Variants in CSMD1 observed in about 807,000 individuals in gnomAD.
The protein encoded by CSMD1 is CUB and sushi domain-containing protein 1.
Under a neutral mutation model 417.5 loss-of-function variants are expected in CSMD1, and 213 were observed. The observed-to-expected ratio is 0.51, with a 90% CI of 0.46 to 0.57. The LOEUF is 0.57. CSMD1 is among the 20% of genes least tolerant of loss of function. The probability of loss-of-function intolerance (pLI) is 0.00; values close to 1 mark genes in which losing one functional copy is unlikely to be tolerated. For missense variants in CSMD1, 6,923 were observed against 4,529.7 expected (o/e 1.53, Z -15.17); for synonymous variants, 2,862 against 1,736.8 (o/e 1.65, Z -16.11).
At chr8:3,875,198 A>C (rs1805735557) in intron 5 of CSMD1, among the ~76,000 whole-genome samples, 3 of 152,282 alleles carry the variant, frequency 2.0e-5, no homozygotes, top group South Asian at 4.2e-4. Flanking sequence ...GGAGTGGAAC[A>C]GTGAGGCCAT....
intron 10 of CSMD1, among the ~76,000 whole-genome samples, chr8:3,545,589 C>CT (rs1283328759): frequency 2.0e-5 from 3 of 152,138 alleles, no homozygotes; most frequent in African/African-American, 7.2e-5. Flanking sequence ...ATGAAGGCTA[C>CT]TTATCATGGG....
chr8:4,652,795 G>A, intron 1 of CSMD1, among the ~76,000 whole-genome samples: 1 of 152,204 alleles, frequency 6.6e-6, no homozygotes, highest in South Asian at 2.1e-4. Context: ...GAAGGGTGTG[G>A]GGATGGTTTT....
rs137889417 is a variant in CSMD1, at chr8:4,817,404, G to C, written c.85+176928C>G. On this transcript the variant is annotated intron_variant, in intron 1 of 69. Transcript: ENST00000635120. ...AGGCCTGCTTGGCAACCTACGTCAA[G>C]TCTCTGGCACAGCACAGCAAGTGTT... is the stretch of plus-strand genomic sequence containing the variant. Among the ~76,000 whole-genome samples the C allele has an allele frequency of 7.2e-5, 11 of 152,300 alleles. No individual in the cohort carries two copies. In the East Asian group the frequency reaches 1.7e-3, roughly 24 times the overall value.
intron 4 of CSMD1, among the ~76,000 whole-genome samples, chr8:4,006,776 C>T (rs1360773034): frequency 2.6e-5 from 4 of 151,292 alleles, no homozygotes; most frequent in African/African-American, 7.3e-5. Flanking sequence ...CGGCTTATAT[C>T]ACCATTCATA....
At chr8:3,763,809 T>C (rs1376831816) in intron 5 of CSMD1, among the ~76,000 whole-genome samples, 5 of 152,190 alleles carry the variant, frequency 3.3e-5, no homozygotes, top group Non-Finnish European at 7.3e-5. Flanking sequence ...CCCAGGTCCC[T>C]GCATGCACAC....
intron 1 of CSMD1, among the ~76,000 whole-genome samples, chr8:4,824,559 G>A (rs751657067): frequency 6.6e-5 from 10 of 152,028 alleles, no homozygotes; most frequent in South Asian, 2.1e-4. Flanking sequence ...ATTACACCAC[G>A]GAAACAGTCT....
intron 1 of CSMD1, among the ~76,000 whole-genome samples, chr8:4,856,604 G>T (rs1178422302): frequency 1.4e-5 from 2 of 144,328 alleles, no homozygotes; most frequent in African/African-American, 2.7e-5. Flanking sequence ...AAAAAAGGCA[G>T]GGGTTGCAAT....
At chr8:4,923,760 CTATTATA>C (rs1322874403) in intron 1 of CSMD1, among the ~76,000 whole-genome samples, 1 of 152,088 alleles carries the variant, frequency 6.6e-6, no homozygotes, top group Non-Finnish European at 1.5e-5. Flanking sequence ...AAAGGTCATT[CTATTATA>C]TATCTCCAAG....
intron 3 of CSMD1, among the ~76,000 whole-genome samples, chr8:4,399,522 A>G (rs753898387): frequency 6.6e-6 from 1 of 152,002 alleles, no homozygotes; most frequent in Non-Finnish European, 1.5e-5. Flanking sequence ...CATTCAAGAA[A>G]CTTTCCTCTC....
intron 3 of CSMD1, among the ~76,000 whole-genome samples, chr8:4,351,432 G>C (rs922151094): frequency 6.6e-6 from 1 of 152,204 alleles, no homozygotes; most frequent in Non-Finnish European, 1.5e-5. Flanking sequence ...GGTAAGAAGA[G>C]TTACTTAAAA....
intron 3 of CSMD1, among the ~76,000 whole-genome samples, chr8:4,085,392 C>G (rs1800365844): frequency 6.6e-6 from 1 of 152,012 alleles, no homozygotes; most frequent in Non-Finnish European, 1.5e-5. Context: ...GGAGAAGCTC[C>G]AAAAAACTGA....
chr8:4,243,400 C>G (rs1353744964), intron 3 of CSMD1, among the ~76,000 whole-genome samples: 1 of 152,162 alleles, frequency 6.6e-6, no homozygotes, highest in Non-Finnish European at 1.5e-5. Flanking sequence ...GAGAATGACT[C>G]ATCCTCTACT....
intron 2 of CSMD1, among the ~76,000 whole-genome samples, chr8:4,493,629 A>G (rs966140069): frequency 3.3e-5 from 5 of 152,150 alleles, no homozygotes; most frequent in African/African-American, 1.2e-4. Flanking sequence ...CAGGAATTTG[A>G]TGCTGGAGTG....
At chr8:4,655,387 A>C (rs1389252785) in intron 1 of CSMD1, among the ~76,000 whole-genome samples, 1 of 152,076 alleles carries the variant, frequency 6.6e-6, no homozygotes, top group Admixed American at 6.5e-5. Flanking sequence ...AACAAAACTA[A>C]GTGATAGGAA....
intron 5 of CSMD1, among the ~76,000 whole-genome samples, chr8:3,755,956 T>C (rs1413148611): frequency 6.6e-6 from 1 of 152,144 alleles, no homozygotes; most frequent in Non-Finnish European, 1.5e-5. Context: ...ACAAATTCTA[T>C]AGGCCACATA....
chr8:4,670,444 T>G (rs189149243), intron 1 of CSMD1, among the ~76,000 whole-genome samples: 4 of 152,204 alleles, frequency 2.6e-5, no homozygotes, highest in African/African-American at 9.6e-5. Context: ...AGCAAACATG[T>G]GTGTCCTGTG....
intron 1 of CSMD1, among the ~76,000 whole-genome samples, chr8:4,687,119 T>A (rs935824282): frequency 6.6e-6 from 1 of 152,166 alleles, no homozygotes; most frequent in Non-Finnish European, 1.5e-5. Context: ...AAAGCTGCCA[T>A]AGCACACAGA....
At position 2,948,629 on chromosome 8, in the gene CSMD1, T is replaced by C. The variant is rs1482331341; in HGVS notation, c.10402+670A>G. On this transcript the variant is annotated intron_variant, in intron 68 of 69. Coordinates refer to ENST00000635120, the MANE Select transcript of CSMD1 (RefSeq NM_033225.6). Reference sequence around the variant, plus strand: ...ACTCATTGAAGCAATTCTTTCAGCATAGATGGGCAACATGCGGAGGTTATT... The same window carrying C: ...ACTCATTGAAGCAATTCTTTCAGCACAGATGGGCAACATGCGGAGGTTATT... Among the ~76,000 whole-genome samples the C allele has an allele frequency of 3.9e-5, 6 of 152,264 alleles. No individual in the cohort carries two copies. In the East Asian group the frequency reaches 1.2e-3, roughly 29 times the overall value.
intron 1 of CSMD1, among the ~76,000 whole-genome samples, chr8:4,744,999 T>C (rs1810862976): frequency 6.6e-6 from 1 of 152,194 alleles, no homozygotes; most frequent in Non-Finnish European, 1.5e-5. Context: ...GTTTCAAACA[T>C]CAACCTATCA....
Sources: gnomAD v4.1 joint callset for allele counts (sites outside exome capture counted in the v4.1 genomes callset) on GRCh38, gnomAD v4.1.1 for gene constraint, MANE v1.5 for transcripts, NCBI Gene and HGNC (gene_info 2026-07-23, HGNC 2026-07-21) for gene names.